The following ITGBL1 variants were observed in gnomAD, a reference collection of about 807,000 sequenced individuals.
ITGBL1 encodes the protein integrin beta-like protein 1.
In ITGBL1, 51 loss-of-function variants were observed where a neutral mutation model predicts 68.5. The observed-to-expected ratio is 0.74, with a 90% CI of 0.59 to 0.94. The LOEUF (loss-of-function observed/expected upper bound fraction) is 0.94, where lower values mean the gene tolerates loss of function less well. Ranked by LOEUF, ITGBL1 falls within the 40% of genes least tolerant of loss-of-function variation. ITGBL1 has a pLI of 0.00. For synonymous variants in ITGBL1, 209 were observed against 227.3 expected (o/e 0.92, Z 0.72); for missense variants, 649 against 647.4 (o/e 1.00, Z -0.03).
At chr13:101,638,473 C>T (rs9585740) in intron 7 of ITGBL1, among the ~76,000 whole-genome samples, 69 of 152,034 alleles carry the variant, frequency 4.5e-4, no homozygotes, top group African/African-American at 1.6e-3. Context: ...CGTTTTCATG[C>T]TGCTGATAAG....
At position 101,529,491 on chromosome 13, in the gene ITGBL1, G is replaced by A. The variant is rs566977429; in HGVS notation, c.317-38208G>A. ...ACTGGGCATCCAGAAAGAACAGTAA[G>A]TGACACTGGAAAAAGAAAACTATGT... On this transcript the variant is annotated intron_variant, in intron 2 of 10. Transcript: ENST00000376180. Among the ~76,000 whole-genome samples, 11 of 152,326 alleles carry A rather than the reference G, an allele frequency of 7.2e-5. No homozygotes were observed. In the South Asian group the frequency reaches 2.3e-3, roughly 32 times the overall value.
chr13:101,528,832 C>A (rs1376404320), intron 2 of ITGBL1, among the ~76,000 whole-genome samples: 1 of 151,606 alleles, frequency 6.6e-6, no homozygotes, highest in African/African-American at 2.4e-5. Context: ...TATTTAGGCC[C>A]AATCCCATAG....
intron 2 of ITGBL1, among the ~76,000 whole-genome samples, chr13:101,503,793 A>C (rs2048981646): frequency 6.6e-6 from 1 of 152,226 alleles, no homozygotes; most frequent in African/African-American, 2.4e-5. Context: ...TTTGCTGTTA[A>C]GGATGATGGA....
chr13:101,595,990 A>G (rs1456363746), intron 6 of ITGBL1, among the ~76,000 whole-genome samples: 1 of 152,162 alleles, frequency 6.6e-6, no homozygotes, highest in Non-Finnish European at 1.5e-5. Context: ...ATATATCTAT[A>G]TATGTAACAT....
At chr13:101,534,922 G>T (rs572812515) in intron 2 of ITGBL1, among the ~76,000 whole-genome samples, 95 of 152,194 alleles carry the variant, frequency 6.2e-4, no homozygotes, top group African/African-American at 2.2e-3. Context: ...TGTAACATAA[G>T]ATGTTCTGGT....
rs74970227 is a variant in ITGBL1 at position 101,571,164 on chromosome 13, C to A, written c.463+3319C>A. 8.3e-3 allele frequency among the ~76,000 whole-genome samples: 1,264 copies of A among 152,194 alleles called. 16 individuals carry two copies. Among genetic ancestry groups the A allele is most frequent in the African/African-American group, 0.029 (1,195 of 41,544 alleles). ...GCATGTCCCATTTTCACAGGGAGAA[C>A]CCTGGCTCCCAATACCACCAACATA... On this transcript the variant is annotated intron_variant, in intron 3 of 10. Transcript: ENST00000376180.
intron 2 of ITGBL1, among the ~76,000 whole-genome samples, chr13:101,505,558 A>T (rs892541423): frequency 1.3e-5 from 2 of 152,180 alleles, no homozygotes; most frequent in African/African-American, 4.8e-5. Context: ...TGAAATGGAT[A>T]AAACATTTAT....
chr13:101,667,731 A>G (rs1350044380), intron 7 of ITGBL1, among the ~76,000 whole-genome samples: 1 of 152,074 alleles, frequency 6.6e-6, no homozygotes, highest in East Asian at 1.9e-4. Flanking sequence ...AATGAAAGCT[A>G]TAAGATCTTT....
At chr13:101,604,885 T>TACACACACACACACACACACACACAC (rs1449617732) in intron 7 of ITGBL1, among the ~76,000 whole-genome samples, 6 of 11,914 alleles carry the variant, frequency 5.0e-4, no homozygotes, top group Admixed American at 1.9e-3. Flanking sequence ...TATATATATA[T>TACACACACACACACACACACACACAC]ATACACACAC....
intron 7 of ITGBL1, among the ~76,000 whole-genome samples, chr13:101,625,493 A>G (rs2031738465): frequency 6.6e-6 from 1 of 152,146 alleles, no homozygotes; most frequent in African/African-American, 2.4e-5. Flanking sequence ...TTGTGTAACT[A>G]CACTGCACTG....
intron 2 of ITGBL1, among the ~76,000 whole-genome samples, chr13:101,498,860 C>T (rs1487089514): frequency 6.6e-6 from 1 of 152,112 alleles, no homozygotes; most frequent in African/African-American, 2.4e-5. Flanking sequence ...CTCACAGTTC[C>T]ATGTGGCTGG....
At chr13:101,510,633 T>A (rs376519324) in intron 2 of ITGBL1, among the ~76,000 whole-genome samples, 4 of 152,110 alleles carry the variant, frequency 2.6e-5, no homozygotes, top group African/African-American at 9.7e-5. Flanking sequence ...CGAGTTCTCT[T>A]TTTCCTGCCA....
chr13:101,480,507 TAACTA>T (rs1158687006), intron 2 of ITGBL1, among the ~76,000 whole-genome samples: 1 of 151,830 alleles, frequency 6.6e-6, no homozygotes, highest in African/African-American at 2.4e-5. Context: ...CATTTAAAAA[TAACTA>T]AAAGAATACA....
chr13:101,699,648 A>T (rs976434654), intron 8 of ITGBL1, among the ~76,000 whole-genome samples: 4 of 152,298 alleles, frequency 2.6e-5, no homozygotes, highest in Middle Eastern at 3.4e-3. Context: ...CTCCCCAGTC[A>T]TGCAGAACTG....
intron 7 of ITGBL1, among the ~76,000 whole-genome samples, chr13:101,619,800 A>G (rs1372696869): frequency 1.3e-5 from 2 of 152,178 alleles, no homozygotes. Flanking sequence ...TGTATAAAAG[A>G]TTATTTCCTT....
intron 7 of ITGBL1, among the ~76,000 whole-genome samples, chr13:101,605,994 GTATATATACACA>G (rs1234416440): frequency 1.4e-5 from 2 of 143,720 alleles, no homozygotes; most frequent in Non-Finnish European, 3.0e-5. Context: ...ATATATATGT[GTATATATACACA>G]TATATATGTA....
In ITGBL1 at chr13:101,702,806, A is replaced by G. The variant is rs535372517; in HGVS notation, c.1133-3950A>G. On this transcript the variant is annotated intron_variant, in intron 8 of 10. Transcript: ENST00000376180. ...GATTCTCTGCCTTCAAAGATGGACA[A>G]CTTTTTATTTAACTCTTTAAGGACA... 2.6e-5 allele frequency among the ~76,000 whole-genome samples: 4 copies of G among 152,266 alleles called. No homozygotes were observed. In the South Asian group the frequency reaches 8.3e-4, roughly 32 times the overall value.
chr13:101,586,786 C>T (rs1351651740), intron 6 of ITGBL1, among the ~76,000 whole-genome samples: 1 of 152,180 alleles, frequency 6.6e-6, no homozygotes, highest in Non-Finnish European at 1.5e-5. Context: ...CTGGAGCAGA[C>T]ATCAACCTCT....
intron 7 of ITGBL1, among the ~76,000 whole-genome samples, chr13:101,684,084 T>C (rs1454716815): frequency 1.3e-5 from 2 of 151,984 alleles, no homozygotes; most frequent in African/African-American, 2.4e-5. Context: ...AATATTTTCT[T>C]TTTTAGTTAC....
Sources: gnomAD v4.1 joint callset for allele counts (sites outside exome capture counted in the v4.1 genomes callset) on GRCh38, gnomAD v4.1.1 for gene constraint, MANE v1.5 for transcripts, NCBI Gene and HGNC (gene_info 2026-07-23, HGNC 2026-07-21) for gene names.